The following SH3BP4 variants were observed in gnomAD, a reference collection of about 807,000 sequenced individuals.
SH3BP4 encodes SH3 domain binding protein 4, also known as SH3 domain-binding protein 4.
In SH3BP4, 33 loss-of-function variants were observed where a neutral mutation model predicts 65.5. That is an observed-to-expected ratio of 0.50 (90% CI 0.38 to 0.67). The LOEUF (loss-of-function observed/expected upper bound fraction) is 0.67, where lower values mean the gene tolerates loss of function less well. Among genes scored for constraint, SH3BP4 ranks in the 30% least tolerant of loss-of-function variants. SH3BP4 has a pLI of 0.00. For missense variants in SH3BP4, 1,134 were observed against 1,261.4 expected (o/e 0.90, Z 1.53); for synonymous variants, 552 against 545.5 (o/e 1.01, Z -0.17).
intron 1 of SH3BP4, among the ~76,000 whole-genome samples, chr2:234,990,207 G>A (rs1258713928): frequency 2.0e-5 from 3 of 152,172 alleles, no homozygotes; most frequent in Admixed American, 6.6e-5. Context: ...GGTACTCAGC[G>A]TGTATTTAGT....
chr2:235,018,343 G>A (rs889225832), intron 2 of SH3BP4, among the ~76,000 whole-genome samples: 2 of 152,094 alleles, frequency 1.3e-5, no homozygotes, highest in Admixed American at 6.5e-5. Context: ...TTTTAGTCTC[G>A]TGGGGTACGG....
chr2:234,953,205 A>G (rs1274983587), intron 1 of SH3BP4: 1 of 152,292 alleles, frequency 6.6e-6, no homozygotes, highest in African/African-American at 2.4e-5. Flanking sequence ...TGATTACAGA[A>G]ACAATGTATG....
At chr2:235,005,074 G>A (rs1443344728) in intron 2 of SH3BP4, among the ~76,000 whole-genome samples, 2 of 152,182 alleles carry the variant, frequency 1.3e-5, no homozygotes, top group Non-Finnish European at 2.9e-5. Flanking sequence ...GATCCCCCTG[G>A]GTGTTAACAC....
rs571536193 is a variant in SH3BP4 at position 235,044,350 on chromosome 2, C to T, written c.2478+1103C>T. 1.4e-4 allele frequency among the ~76,000 whole-genome samples: 22 copies of T among 152,374 alleles called. No individual in the cohort carries two copies. In the South Asian group the frequency reaches 4.1e-3, roughly 29 times the overall value. ...TGCTCAACGCTTTCTTAGCACTGCT[C>T]CCCGCAGGCAGCCCCACCGTCAGCA... is the stretch of plus-strand genomic sequence containing the variant. On this transcript the variant is annotated intron_variant, in intron 4 of 5. Transcript: ENST00000392011.
intron 2 of SH3BP4, among the ~76,000 whole-genome samples, chr2:235,021,251 A>G (rs1694838799): frequency 6.6e-6 from 1 of 152,194 alleles, no homozygotes; most frequent in Admixed American, 6.5e-5. Flanking sequence ...TACCCAGGAA[A>G]TCCCAGTGGG....
At chr2:234,954,046 C>T (rs1574768056) in intron 1 of SH3BP4, among the ~76,000 whole-genome samples, 1 of 151,958 alleles carries the variant, frequency 6.6e-6, no homozygotes. Context: ...ACAGTTAGTT[C>T]TGGGAGGACG....
chr2:235,023,344 C>T (rs886842895), intron 2 of SH3BP4, among the ~76,000 whole-genome samples: 2 of 152,096 alleles, frequency 1.3e-5, no homozygotes, highest in African/African-American at 4.8e-5. Context: ...GTCAGGAGTT[C>T]AAGACCAGCC....
intron 2 of SH3BP4, among the ~76,000 whole-genome samples, chr2:235,006,143 C>T (rs1028209683): frequency 3.9e-5 from 6 of 152,040 alleles, no homozygotes; most frequent in African/African-American, 7.2e-5. Context: ...GAGCACACGC[C>T]GGCCACGGCT....
chr2:234,988,140 T>A (rs1054574955), intron 1 of SH3BP4, among the ~76,000 whole-genome samples: 3 of 152,076 alleles, frequency 2.0e-5, no homozygotes, highest in Non-Finnish European at 4.4e-5. Flanking sequence ...CCTCACTGCA[T>A]CCTTCGCCTC....
At chr2:235,027,754 C>G (rs1695047266) in intron 2 of SH3BP4, among the ~76,000 whole-genome samples, 1 of 152,220 alleles carries the variant, frequency 6.6e-6, no homozygotes, top group African/African-American at 2.4e-5. Flanking sequence ...CTGCAGCGTT[C>G]AGGTTCGTGG....
At chr2:234,983,929 T>C (rs1234625439) in intron 1 of SH3BP4, among the ~76,000 whole-genome samples, 1 of 152,178 alleles carries the variant, frequency 6.6e-6, no homozygotes, top group African/African-American at 2.4e-5. Flanking sequence ...TCCAGAACTG[T>C]TGGAGAGTCA....
chr2:235,016,133 G>C (rs1694677957), intron 2 of SH3BP4, among the ~76,000 whole-genome samples: 2 of 129,796 alleles, frequency 1.5e-5, no homozygotes, highest in Non-Finnish European at 1.6e-5. Context: ...AGCAAGGGGT[G>C]GGGGGTGGGG....
At position 234,960,557 on chromosome 2, in the gene SH3BP4, C is replaced by T. The variant is rs542144644; in HGVS notation, c.-207+8387C>T. Among the ~76,000 whole-genome samples, 100 of 152,266 alleles carry T rather than the reference C, an allele frequency of 6.6e-4. No homozygotes were observed. The South Asian group carries it at 0.01, about 16-fold the overall frequency. On this transcript the variant is annotated intron_variant, in intron 1 of 5. Coordinates refer to ENST00000392011, the MANE Select transcript of SH3BP4 (RefSeq NM_014521.3). ...CAGAATCCCAAGAGTTCACTTAGTG[C>T]CCATTTTTGCTTATATGTGTATCTT... is the stretch of plus-strand genomic sequence containing the variant.
In SH3BP4 at chr2:235,053,826, C is replaced by T. The variant is rs1559263343; in HGVS notation, c.*10C>T. ...CGACTTCGTGATTTGAATGGGTCCC[C>T]TCCCCTCCTGCTGCTCTGGAGTGCA... On this transcript the variant is annotated 3_prime_UTR_variant, in exon 6 of 6. Transcript: ENST00000392011. The T allele has an allele frequency of 1.9e-6, 3 of 1,603,754 alleles. No homozygotes were observed. Among genetic ancestry groups the T allele is most frequent in the East Asian group, 4.5e-5 (2 of 44,802 alleles).
intron 2 of SH3BP4, chr2:234,995,817 A>C (rs1371208696): frequency 6.6e-6 from 1 of 152,256 alleles, no homozygotes; most frequent in Non-Finnish European, 1.5e-5. Flanking sequence ...CAAAGGAGGG[A>C]TTGTTCTCAC....
chr2:235,017,655 G>T (rs1694730790), intron 2 of SH3BP4, among the ~76,000 whole-genome samples: 1 of 152,078 alleles, frequency 6.6e-6, no homozygotes, highest in Non-Finnish European at 1.5e-5. Context: ...TGATATTTCT[G>T]CACACGTGCT....
intron 5 of SH3BP4, 144 bp from the exon 6 acceptor site, chr2:235,053,448 T>C (rs552450091): frequency 1.5e-6 from 1 of 654,756 alleles, no homozygotes; most frequent in South Asian, 1.9e-5. Context: ...CCACTGTTTC[T>C]TCTGTGGGCT....
rs1172580099 is a variant in SH3BP4 at position 235,054,392 on chromosome 2, C to T, written c.*576C>T. On this transcript the variant is annotated 3_prime_UTR_variant, in exon 6 of 6. Coordinates refer to ENST00000392011, the MANE Select transcript of SH3BP4 (RefSeq NM_014521.3). ...AGTAAACGGGTACAGCTCATTCTTT[C>T]TGAGAAGGCCCCAGGTCCTGCTCCC... The T allele has an allele frequency of 1.3e-5, 2 of 152,876 alleles. No homozygotes were observed. The highest frequency in any genetic ancestry group is 2.1e-4 in the South Asian group (1 of 4,868). The allele number at this position is 152,876 out of a possible 1,614,324, so 9.5% of individuals were successfully genotyped here.
In SH3BP4 at chr2:235,043,202, C is replaced by A; in HGVS notation, c.2433C>A (p.Asn811Lys). 6.3e-7 allele frequency: 1 copy of A among 1,596,308 alleles called. No homozygotes were observed. The highest frequency in any genetic ancestry group is 8.6e-7 in the Non-Finnish European group (1 of 1,168,384). The change falls in exon 4 of 6, where the codon AAC becomes AAA. Residue 811 changes from asparagine to lysine, a missense_variant. Asn to Lys is a moderately conservative substitution (Grantham distance 94, BLOSUM62 0). Transcript: ENST00000392011. Reference sequence around the variant, plus strand: ...AAAAGCTGAAGGAGGACTGTAACAACACTGAGAACAAAGAACGGAAGTCCT... The same window carrying A: ...AAAAGCTGAAGGAGGACTGTAACAAAACTGAGAACAAAGAACGGAAGTCCT... Reference protein sequence around the residue: ...VLEKLKEDCNNTENKERKSFQ... With the variant: ...VLEKLKEDCNKTENKERKSFQ...
Sources: gnomAD v4.1 joint callset for allele counts (sites outside exome capture counted in the v4.1 genomes callset) on GRCh38, gnomAD v4.1.1 for gene constraint, MANE v1.5 for transcripts, NCBI Gene and HGNC (gene_info 2026-07-23, HGNC 2026-07-21) for gene names.